The following GRIA4 variants were observed in gnomAD, a reference collection of about 807,000 sequenced individuals.
The protein encoded by GRIA4 is glutamate receptor 4.
Under a neutral mutation model 104.0 loss-of-function variants are expected in GRIA4, and 34 were observed. The observed-to-expected ratio is 0.33, with a 90% CI of 0.25 to 0.44. The LOEUF is 0.44. Ranked by LOEUF, GRIA4 falls within the 20% of genes least tolerant of loss-of-function variation. The pLI, the probability that GRIA4 is intolerant of heterozygous loss-of-function variation, is 1.00. For missense variants in GRIA4, 750 were observed against 1,096.5 expected (o/e 0.68, Z 4.46); for synonymous variants, 386 against 381.9 (o/e 1.01, Z -0.13).
intron 14 of GRIA4, among the ~76,000 whole-genome samples, chr11:105,960,861 G>A (rs1344234722): frequency 1.3e-5 from 2 of 152,190 alleles, no homozygotes; most frequent in East Asian, 1.9e-4. Context: ...TCCCGTGGCT[G>A]TGGAGAGGAG....
At chr11:105,646,224 CAG>C (rs1353759689) in intron 3 of GRIA4, among the ~76,000 whole-genome samples, 1 of 152,132 alleles carries the variant, frequency 6.6e-6, no homozygotes, top group Non-Finnish European at 1.5e-5. Context: ...TTTCAATAAA[CAG>C]AAAATTTGGT....
chr11:105,696,593 A>G (rs906594348), intron 3 of GRIA4, among the ~76,000 whole-genome samples: 1 of 152,270 alleles, frequency 6.6e-6, no homozygotes, highest in East Asian at 1.9e-4. Flanking sequence ...TACAATAGGC[A>G]CACTATAAAT....
chr11:105,673,385 T>C (rs1391644187), intron 3 of GRIA4, among the ~76,000 whole-genome samples: 5 of 152,062 alleles, frequency 3.3e-5, no homozygotes, highest in Non-Finnish European at 7.4e-5. Context: ...TAAACAGTCA[T>C]GTAGTAAGTG....
intron 3 of GRIA4, among the ~76,000 whole-genome samples, chr11:105,694,758 G>C (rs1953209741): frequency 6.6e-6 from 1 of 152,002 alleles, no homozygotes; most frequent in African/African-American, 2.4e-5. Flanking sequence ...TTTTCATAAA[G>C]CTTTCTAATA....
At chr11:105,629,248 A>AAAAT (rs56314166) in intron 3 of GRIA4, among the ~76,000 whole-genome samples, 49 of 147,096 alleles carry the variant, frequency 3.3e-4, no homozygotes, top group African/African-American at 1.1e-3. Context: ...AAATAAACTA[A>AAAAT]AAATAAATAA....
At chr11:105,963,254 A>G (rs1948785025) in intron 14 of GRIA4, among the ~76,000 whole-genome samples, 1 of 152,150 alleles carries the variant, frequency 6.6e-6, no homozygotes. Flanking sequence ...GATGATTTTT[A>G]TTACTAATAA....
intron 13 of GRIA4, among the ~76,000 whole-genome samples, chr11:105,929,182 T>C (rs1430426103): frequency 1.3e-5 from 2 of 152,064 alleles, no homozygotes; most frequent in East Asian, 3.8e-4. Context: ...CTGGTTTAAA[T>C]AAACCATTTG....
rs138534524 is a variant in GRIA4 at position 105,754,961 on chromosome 11, T to C, written c.487+1741T>C. ...CAAAGCATAGAGCAGAAAATTTTCC[T>C]TTGGCTTGTTTCCTTTGGTCTGTTT... On this transcript the variant is annotated intron_variant, in intron 4 of 16. Coordinates refer to ENST00000282499, the MANE Select transcript of GRIA4 (RefSeq NM_000829.4). 7.6e-3 allele frequency among the ~76,000 whole-genome samples: 1,163 copies of C among 152,316 alleles called. 5 individuals carry two copies. Among genetic ancestry groups the C allele is most frequent in the Non-Finnish European group, 0.013 (901 of 68,022 alleles).
chr11:105,757,551 C>T (rs1940385663), intron 4 of GRIA4, among the ~76,000 whole-genome samples: 1 of 152,120 alleles, frequency 6.6e-6, no homozygotes, highest in African/African-American at 2.4e-5. Flanking sequence ...CAGAGGGTTT[C>T]CTGGTGCCAG....
At chr11:105,652,481 G>T (rs1267429842) in intron 3 of GRIA4, among the ~76,000 whole-genome samples, 1 of 152,046 alleles carries the variant, frequency 6.6e-6, no homozygotes, top group Non-Finnish European at 1.5e-5. Flanking sequence ...TTTTTTAACG[G>T]AGTTTCTTTT....
chr11:105,801,671 C>G (rs1040715792), intron 4 of GRIA4, among the ~76,000 whole-genome samples: 18 of 151,810 alleles, frequency 1.2e-4, no homozygotes, highest in African/African-American at 4.4e-4. Flanking sequence ...CTACAATGTA[C>G]AAGTACTATG....
At chr11:105,929,623 A>G (rs148878280) in intron 13 of GRIA4, among the ~76,000 whole-genome samples, 1 of 152,266 alleles carries the variant, frequency 6.6e-6, no homozygotes, top group East Asian at 1.9e-4. Flanking sequence ...TGAAACTGTG[A>G]ATGCATAAAT....
At chr11:105,631,685 C>G (rs1323107772) in intron 3 of GRIA4, among the ~76,000 whole-genome samples, 1 of 151,944 alleles carries the variant, frequency 6.6e-6, no homozygotes, top group Non-Finnish European at 1.5e-5. Flanking sequence ...GTGCCACACA[C>G]TTTATTGAAA....
chr11:105,621,657 A>T (rs1402766470), intron 3 of GRIA4, among the ~76,000 whole-genome samples: 1 of 151,796 alleles, frequency 6.6e-6, no homozygotes, highest in Non-Finnish European at 1.5e-5. Flanking sequence ...CAGGTCTTTG[A>T]TATTACAAAC....
At chr11:105,657,414 A>G (rs1448093380) in intron 3 of GRIA4, among the ~76,000 whole-genome samples, 1 of 152,042 alleles carries the variant, frequency 6.6e-6, no homozygotes, top group Non-Finnish European at 1.5e-5. Context: ...TTAATATATT[A>G]TTCAAAAATA....
intron 3 of GRIA4, among the ~76,000 whole-genome samples, chr11:105,685,432 C>T (rs555929297): frequency 6.6e-6 from 1 of 152,300 alleles, no homozygotes; most frequent in African/African-American, 2.4e-5. Context: ...TCTGTGACAG[C>T]ATCAAATTAT....
At chr11:105,897,350 T>C (rs900473603) in intron 6 of GRIA4, among the ~76,000 whole-genome samples, 1 of 152,132 alleles carries the variant, frequency 6.6e-6, no homozygotes, top group African/African-American at 2.4e-5. Context: ...GATGACATCA[T>C]TAGTAAACAG....
chr11:105,676,009 A>C (rs1952524245), intron 3 of GRIA4, among the ~76,000 whole-genome samples: 1 of 151,830 alleles, frequency 6.6e-6, no homozygotes, highest in African/African-American at 2.4e-5. Context: ...TCACATTTAT[A>C]AACATATTAA....
chr11:105,688,190 T>TATCTATCTATCTATCTATC (rs1306656378), intron 3 of GRIA4, among the ~76,000 whole-genome samples: 56 of 137,706 alleles, frequency 4.1e-4, no homozygotes, highest in East Asian at 1.8e-3. Flanking sequence ...ATCTATCTAT[T>TATCTATCTATCTATCTATC]TATCTATATG....
Sources: gnomAD v4.1 joint callset for allele counts (sites outside exome capture counted in the v4.1 genomes callset) on GRCh38, gnomAD v4.1.1 for gene constraint, MANE v1.5 for transcripts, NCBI Gene and HGNC (gene_info 2026-07-23, HGNC 2026-07-21) for gene names.